The following SMC4 variants were observed in gnomAD, a reference collection of about 807,000 sequenced individuals.
SMC4 encodes structural maintenance of chromosomes protein 4.
SMC4 carries 87 observed loss-of-function variants against 145.6 expected under a neutral mutation model. The observed-to-expected ratio is 0.60, with a 90% CI of 0.50 to 0.71. SMC4 has a LOEUF of 0.71. Among genes scored for constraint, SMC4 ranks in the 30% least tolerant of loss-of-function variants. The probability of loss-of-function intolerance (pLI) is 0.00; values close to 1 mark genes in which losing one functional copy is unlikely to be tolerated. For missense variants in SMC4, 1,447 were observed against 1,537.1 expected (o/e 0.94, Z 0.98); for synonymous variants, 558 against 500.7 (o/e 1.11, Z -1.53).
chr3:160,404,917 C>A, intron 5 of SMC4: 1 of 349,562 alleles, frequency 2.9e-6, no homozygotes, highest in Non-Finnish European at 5.7e-6. Context: ...TATCCTTTTC[C>A]TTTGTTTTTG....
chr3:160,430,838 TCA>T (rs780847436), intron 19 of SMC4, 95 bp downstream of exon 19: 13 of 1,398,160 alleles, frequency 9.3e-6, no homozygotes, highest in Non-Finnish European at 1.3e-5. Flanking sequence ...TAGTAAGCAC[TCA>T]TAGACTTAAA....
intron 3 of SMC4, among the ~76,000 whole-genome samples, 166 bp from the exon 4 acceptor site, chr3:160,402,510 G>C (rs900925189): frequency 6.6e-6 from 1 of 152,146 alleles, no homozygotes; most frequent in African/African-American, 2.4e-5. Flanking sequence ...GAGAGAACTT[G>C]ATGTAAGAAA....
At chr3:160,416,632 G>A (rs758995408) in intron 10 of SMC4, 31 of 305,258 alleles carry the variant, frequency 1.0e-4, no homozygotes, top group Non-Finnish European at 1.3e-4. Flanking sequence ...TGTAGTAGTA[G>A]CAGAAGGTGT....
Position 160,401,879 on chromosome 3 carries a change from GTTT to G in SMC4, c.140-35_140-33del, listed in dbSNP as rs1452055779. 20 of 1,544,416 alleles carry G rather than the reference GTTT, an allele frequency of 1.3e-5. No individual in the cohort carries two copies. In the East Asian group the frequency reaches 4.8e-4, roughly 37 times the overall value. On this transcript the variant is annotated intron_variant, in intron 2 of 23. Coordinates refer to ENST00000357388, the MANE Select transcript of SMC4 (RefSeq NM_001002800.3). ...CACTAATGTAGGCTTTTCCCCCGCCGTTTGCCTTCGTTTTCCTTTCCTTTCACT... is the reference window on the plus strand; with the variant it reads ...CACTAATGTAGGCTTTTCCCCCGCCGGCCTTCGTTTTCCTTTCCTTTCACT...
rs1340876452 is a variant in SMC4, at chr3:160,434,860, T to C, written c.*1051T>C. 3 of 152,174 alleles carry C rather than the reference T, an allele frequency of 2.0e-5. No homozygotes were observed. Among genetic ancestry groups the C allele is most frequent in the Admixed American group, 2.0e-4 (3 of 15,278 alleles). 9.4% of individuals were successfully genotyped at this position (152,174 alleles called of 1,614,324 possible). A position where few individuals can be genotyped will look rare whatever the true frequency, so the allele number is the denominator to read the frequency against. On this transcript the variant is annotated 3_prime_UTR_variant, in exon 24 of 24. Coordinates refer to ENST00000357388, the MANE Select transcript of SMC4 (RefSeq NM_001002800.3). ...CTTCAGTGGGCCATTGTTTTAGATATTTAAAAAATCCAACAGTTTCTATCA... is the reference window on the plus strand; with the variant it reads ...CTTCAGTGGGCCATTGTTTTAGATACTTAAAAAATCCAACAGTTTCTATCA...
Position 160,424,946 on chromosome 3 carries a change from A to T in SMC4, c.2405A>T (p.Glu802Val). The change falls in exon 16 of 24, where the codon GAA (glutamate) becomes GTA (valine). Residue 802 changes from glutamate (E) to valine (V), a missense_variant. Glu to Val is a moderately radical substitution (Grantham distance 121). Transcript: ENST00000357388. Reference sequence around the variant, plus strand: ...CAAGAACAGAAAGTACAACTTGAAGAAAGAGTAGTTAAGTTACGGCATAGT... The same window carrying T: ...CAAGAACAGAAAGTACAACTTGAAGTAAGAGTAGTTAAGTTACGGCATAGT... ...QIQEQKVQLE[E>V]RVVKLRHSER... is the part of the protein sequence containing the mutation. 1.2e-6 allele frequency: 2 copies of T among 1,614,092 alleles called. No individual in the cohort carries two copies. Among genetic ancestry groups the T allele is most frequent in the Non-Finnish European group, 1.7e-6 (2 of 1,180,008 alleles).
intron 5 of SMC4, among the ~76,000 whole-genome samples, chr3:160,405,085 T>TA (rs1291782614): frequency 6.6e-6 from 1 of 152,092 alleles, no homozygotes; most frequent in East Asian, 1.9e-4. Context: ...GAAAATGACT[T>TA]ACTTGGTGGA....
At chr3:160,419,232 G>A (rs1371211490) in intron 11 of SMC4, 126 bp from the exon 12 acceptor site, 1 of 652,114 alleles carries the variant, frequency 1.5e-6, no homozygotes, top group East Asian at 3.0e-5. Flanking sequence ...GCTCAGTTTT[G>A]GTTCAAATTT....
At chr3:160,400,579 C>G (rs1213145224) in intron 1 of SMC4, 3 of 462,920 alleles carry the variant, frequency 6.5e-6, no homozygotes, top group Non-Finnish European at 7.5e-6. Flanking sequence ...AGCAGTTGCT[C>G]AATCGTTGAT....
intron 17 of SMC4, among the ~76,000 whole-genome samples, chr3:160,426,633 T>A (rs74383957): frequency 0.016 from 2,375 of 152,180 alleles, 63 homozygotes; most frequent in African/African-American, 0.053. Context: ...TTTCATAACT[T>A]CTTCTTGTGC....
chr3:160,433,785 A>C lies in SMC4; in HGVS notation c.3843A>C (p.Glu1281Asp), dbSNP rs776266748. Residue 1281 changes from glutamate to aspartate, a missense_variant, in exon 24 of 24, where the codon GAA (glutamate) becomes GAC (aspartate). Transcript: ENST00000357388. The stretch of plus-strand genomic sequence containing the variant: ...AAAGTGTTGCTGTAAATCCAAAAGA[A>C]ATTGCATCTAAGGGACTTTGTTGAA... ...ITKSVAVNPKEIASKGLC is the reference protein window; with the variant it reads ...ITKSVAVNPKDIASKGLC 6.2e-7 allele frequency: 1 copy of C among 1,604,634 alleles called. No individual in the cohort carries two copies. Among genetic ancestry groups the C allele is most frequent in the East Asian group, 2.2e-5 (1 of 44,548 alleles).
chr3:160,432,695 A>G, intron 22 of SMC4, 180 bp downstream of exon 22: 1 of 538,516 alleles, frequency 1.9e-6, no homozygotes, highest in South Asian at 3.0e-5. Flanking sequence ...GACAGCCAGT[A>G]TTTACAAAAT....
chr3:160,429,034 T>C, intron 18 of SMC4, 92 bp downstream of exon 18: 3 of 1,089,008 alleles, frequency 2.8e-6, no homozygotes, highest in Non-Finnish European at 3.9e-6. Context: ...AAAATGTTTC[T>C]CTTACTGTTA....
intron 8 of SMC4, 28 bp downstream of exon 8, chr3:160,413,641 GTATT>G: frequency 8.5e-7 from 1 of 1,173,626 alleles, no homozygotes; most frequent in Non-Finnish European, 1.2e-6. Flanking sequence ...AGTACTAAAA[GTATT>G]TAGATAATTG....
intron 5 of SMC4, 167 bp downstream of exon 5, chr3:160,404,671 T>G: frequency 1.3e-6 from 1 of 775,858 alleles, no homozygotes; most frequent in Non-Finnish European, 2.4e-6. Context: ...GCTCTAGAAA[T>G]TTAAGGAAAT....
At chr3:160,417,213 T>C (rs1010928562) in intron 10 of SMC4, among the ~76,000 whole-genome samples, 6 of 152,192 alleles carry the variant, frequency 3.9e-5, no homozygotes, top group Non-Finnish European at 8.8e-5. Context: ...TGTCAAACTA[T>C]AAAACTTAAC....
chr3:160,402,531 T>A (rs994375505), intron 3 of SMC4, 145 bp from the exon 4 acceptor site: 8 of 730,550 alleles, frequency 1.1e-5, no homozygotes, highest in Non-Finnish European at 1.7e-5. Context: ...ACTCAAGTCG[T>A]ATGCCTGTGA....
rs1449104848 is a variant in SMC4, at chr3:160,428,743, T to G, written c.2606-10T>G. ...AAACACAAATTAGGTTCTTTATTTT[T>G]TAATTTCAGAATATGATGCTGTGGC... On this transcript the variant is annotated splice_polypyrimidine_tract_variant and intron_variant, in intron 17 of 23. Transcript: ENST00000357388. The G allele has an allele frequency of 1.3e-6, 2 of 1,562,424 alleles. No individual in the cohort carries two copies. Among genetic ancestry groups the G allele is most frequent in the Admixed American group, 4.6e-5 (2 of 43,044 alleles).
intron 11 of SMC4, among the ~76,000 whole-genome samples, chr3:160,418,291 T>A (rs1716797752): frequency 6.6e-6 from 1 of 152,222 alleles, no homozygotes; most frequent in Admixed American, 6.5e-5. Flanking sequence ...ATTTATATAA[T>A]GAATATACAA....
Sources: allele counts gnomAD v4.1 joint callset (sites outside exome capture counted in the v4.1 genomes callset), GRCh38; gene constraint gnomAD v4.1.1; transcripts MANE v1.5; gene names NCBI Gene and HGNC (gene_info 2026-07-23, HGNC 2026-07-21).